The following LIMD1 variants were observed in gnomAD, a reference collection of about 807,000 sequenced individuals.
LIMD1 encodes LIM domain containing 1.
LIMD1 carries 23 observed loss-of-function variants against 58.4 expected under a neutral mutation model. That is an observed-to-expected ratio of 0.39 (90% CI 0.28 to 0.56). The LOEUF is 0.56. LIMD1 is among the 20% of genes least tolerant of loss of function. The probability of loss-of-function intolerance (pLI) is 0.57; values close to 1 mark genes in which losing one functional copy is unlikely to be tolerated. For missense variants in LIMD1, 838 were observed against 855.5 expected (o/e 0.98, Z 0.25); for synonymous variants, 334 against 345.5 (o/e 0.97, Z 0.37).
chr3:45,607,711 G>A (rs1243140370), intron 1 of LIMD1, among the ~76,000 whole-genome samples: 1 of 152,188 alleles, frequency 6.6e-6, no homozygotes, highest in African/African-American at 2.4e-5. Flanking sequence ...CCAAGTCAGG[G>A]GGTGAGCACA....
chr3:45,630,436 T>C (rs1701715812), intron 1 of LIMD1, among the ~76,000 whole-genome samples: 1 of 151,808 alleles, frequency 6.6e-6, no homozygotes, highest in Non-Finnish European at 1.5e-5. Context: ...GAGGGAAGTG[T>C]TTGTGGGGGG....
chr3:45,622,492 AACAATTATAGC>A (rs1363670934), intron 1 of LIMD1, among the ~76,000 whole-genome samples: 6 of 152,154 alleles, frequency 3.9e-5, no homozygotes, highest in Non-Finnish European at 2.9e-5. Flanking sequence ...TATAAAATAG[AACAATTATAGC>A]ACAATTATAG....
intron 7 of LIMD1, 86 bp from the exon 8 acceptor site, chr3:45,676,836 C>T: frequency 7.7e-7 from 1 of 1,302,732 alleles, no homozygotes; most frequent in Non-Finnish European, 1.1e-6. Context: ...ACAGCACCCT[C>T]TGCTGATTTT....
intron 1 of LIMD1, among the ~76,000 whole-genome samples, chr3:45,614,162 T>G (rs1442492729): frequency 1.3e-5 from 2 of 152,262 alleles, no homozygotes; most frequent in East Asian, 1.9e-4. Context: ...TTACTTTGCT[T>G]CTTTGCTCTC....
intron 5 of LIMD1, 22 bp from the exon 6 acceptor site, chr3:45,673,432 G>A: frequency 6.2e-7 from 1 of 1,611,318 alleles, no homozygotes. Flanking sequence ...AACATTTATT[G>A]CTGCTTTGTT....
At chr3:45,631,570 G>A (rs893566) in intron 1 of LIMD1, among the ~76,000 whole-genome samples, 101,470 of 151,940 alleles carry the variant, frequency 0.67, 34,653 homozygotes, top group East Asian at 0.81. Context: ...GGAGAGAAAG[G>A]ATGTCAGCAG....
chr3:45,622,688 AAAC>A lies in LIMD1; in HGVS notation c.1409-13460_1409-13458del, dbSNP rs1701638234. On this transcript the variant is annotated intron_variant, in intron 1 of 7. Coordinates refer to ENST00000273317, the MANE Select transcript of LIMD1 (RefSeq NM_014240.3). The stretch of plus-strand genomic sequence containing the variant: ...AAGGAATTTTTTTTTTTTTTTTTTT[AAAC>A]AGAGTCTCATGCTGTCACCCAGGCT... Among the ~76,000 whole-genome samples, 4 of 145,308 alleles carry A rather than the reference AAAC, an allele frequency of 2.8e-5. No individual in the cohort carries two copies. In the East Asian group the frequency reaches 7.9e-4, roughly 29 times the overall value.
At position 45,665,651 on chromosome 3, in the gene LIMD1, C is replaced by T. The variant is rs749697301; in HGVS notation, c.1512C>T (p.Ser504=). ...HDTCFTCAAC[S]RKLRGKAFYF... ...CTGTGTTTGTGATTTTTTCCTTAGG[C>T]CGGAAGCTGAGAGGAAAAGCCTTTT... The change falls in exon 3 of 8, where the codon AGC becomes AGT. Residue 504 remains serine (S), a splice_region_variant and synonymous_variant. Coordinates refer to ENST00000273317, the MANE Select transcript of LIMD1 (RefSeq NM_014240.3). 1.2e-6 allele frequency: 2 copies of T among 1,613,696 alleles called. No homozygotes were observed. Among genetic ancestry groups the T allele is most frequent in the South Asian group, 2.2e-5 (2 of 91,034 alleles).
At chr3:45,604,313 G>A (rs879522459) in intron 1 of LIMD1, among the ~76,000 whole-genome samples, 3 of 152,196 alleles carry the variant, frequency 2.0e-5, no homozygotes, top group Non-Finnish European at 4.4e-5. Flanking sequence ...TCTCTGAAGG[G>A]ATGTGACTAC....
intron 1 of LIMD1, among the ~76,000 whole-genome samples, chr3:45,613,631 G>T (rs1298060929): frequency 3.0e-5 from 4 of 131,250 alleles, no homozygotes; most frequent in Non-Finnish European, 3.3e-5. Flanking sequence ...TGTTAGGATT[G>T]TTTTTGTGTA....
chr3:45,628,315 T>C (rs1391060378), intron 1 of LIMD1, among the ~76,000 whole-genome samples: 1 of 151,996 alleles, frequency 6.6e-6, no homozygotes, highest in Non-Finnish European at 1.5e-5. Context: ...TAAGAAGTTC[T>C]CATAACAGTA....
rs1474505389 is a variant in LIMD1, at chr3:45,679,881, G to A, written c.*2822G>A. 2.0e-5 allele frequency: 3 copies of A among 152,142 alleles called. No homozygotes were observed. The East Asian group carries it at 5.8e-4, about 29-fold the overall frequency. The allele number at this position is 152,142 out of a possible 1,614,324, so 9.4% of individuals were successfully genotyped here. A position where few individuals can be genotyped will look rare whatever the true frequency, so the allele number is the denominator to read the frequency against. On this transcript the variant is annotated 3_prime_UTR_variant, in exon 8 of 8. Transcript: ENST00000273317. ...TCATCTCACCACAGAAGGGCATTTA[G>A]TCCTACCCAGCCATCGGCTGCGTAT...
intron 1 of LIMD1, among the ~76,000 whole-genome samples, chr3:45,635,404 AG>A (rs150929196): frequency 0.026 from 3,995 of 152,130 alleles, 170 homozygotes; most frequent in African/African-American, 0.09. Context: ...TGTACTAGGT[AG>A]GGGCCCATCA....
chr3:45,596,705 G>A (rs1165098647), intron 1 of LIMD1, among the ~76,000 whole-genome samples: 1 of 152,102 alleles, frequency 6.6e-6, no homozygotes, highest in Non-Finnish European at 1.5e-5. Flanking sequence ...TGGTTGGGCA[G>A]ATCTGGTTGA....
intron 1 of LIMD1, among the ~76,000 whole-genome samples, chr3:45,630,439 G>A (rs1433497585): frequency 6.6e-6 from 1 of 152,190 alleles, no homozygotes; most frequent in Admixed American, 6.5e-5. Flanking sequence ...GGAAGTGTTT[G>A]TGGGGGGAAC....
At position 45,596,196 on chromosome 3, in the gene LIMD1, G is replaced by A. The variant is rs1265208463; in HGVS notation, c.1317G>A (p.Glu439=). 1 of 1,613,864 alleles carries A rather than the reference G, an allele frequency of 6.2e-7. No homozygotes were observed. The highest frequency in any genetic ancestry group is 1.7e-5 in the Admixed American group (1 of 59,984). ...LPCQPLVPGP[E]LRPSAAELKL... Reference sequence around the variant, plus strand: ...GCCAGCCCCTCGTCCCAGGTCCTGAGCTGAGACCCTCTGCTGCTGAGTTGA... The same window carrying A: ...GCCAGCCCCTCGTCCCAGGTCCTGAACTGAGACCCTCTGCTGCTGAGTTGA... Residue 439 remains glutamate (E), a synonymous_variant, in exon 1 of 8, where the codon GAG becomes GAA. Coordinates refer to ENST00000273317, the MANE Select transcript of LIMD1 (RefSeq NM_014240.3).
At chr3:45,667,869 G>C (rs189727587) in intron 3 of LIMD1, among the ~76,000 whole-genome samples, 55 of 152,182 alleles carry the variant, frequency 3.6e-4, no homozygotes, top group Non-Finnish European at 8.8e-5. Flanking sequence ...TCCCCTGAAA[G>C]GCTTGTGAAA....
intron 6 of LIMD1, 161 bp downstream of exon 6, chr3:45,673,666 C>T (rs527408392): frequency 6.7e-6 from 4 of 597,046 alleles, no homozygotes; most frequent in Admixed American, 2.9e-5. Flanking sequence ...TAATCCCACC[C>T]CTTTTAGGAG....
chr3:45,665,817 T>C, intron 3 of LIMD1, 100 bp downstream of exon 3: 1 of 977,964 alleles, frequency 1.0e-6, no homozygotes, highest in East Asian at 2.4e-5. Context: ...GCTGCACTGC[T>C]GGAGAGAGGG....
Sources: gnomAD v4.1 joint callset for allele counts (sites outside exome capture counted in the v4.1 genomes callset) on GRCh38, gnomAD v4.1.1 for gene constraint, MANE v1.5 for transcripts, NCBI Gene and HGNC (gene_info 2026-07-23, HGNC 2026-07-21) for gene names.